ZFHX2: variants seen among roughly 807,000 people sequenced by gnomAD.
The protein encoded by ZFHX2 is zinc finger homeobox protein 2.
ZFHX2 carries 75 observed loss-of-function variants against 164.8 expected under a neutral mutation model. The observed-to-expected ratio is 0.46, with a 90% CI of 0.38 to 0.55. The LOEUF (loss-of-function observed/expected upper bound fraction) is 0.55. ZFHX2 is among the 20% of genes least tolerant of loss of function. The pLI, the probability that ZFHX2 is intolerant of heterozygous loss-of-function variation, is 0.00. For missense variants in ZFHX2, 2,933 were observed against 3,308.0 expected (o/e 0.89, Z 2.78); for synonymous variants, 1,217 against 1,351.4 (o/e 0.90, Z 2.18).
chr14:23,523,531 ACTGCTGCCCCCAGTGCTCCCAG>A lies in ZFHX2; in HGVS notation c.6389_6410del (p.Ala2130ValfsTer5), dbSNP rs1478854351. The A allele has an allele frequency of 2.0e-6, 3 of 1,536,472 alleles. No individual in the cohort carries two copies. The highest frequency in any genetic ancestry group is 2.6e-6 in the Non-Finnish European group (3 of 1,146,938). On this transcript the variant is annotated frameshift_variant, in exon 9 of 10. Transcript: ENST00000419474. LOFTEE classifies it high-confidence loss of function. The surrounding 1 kb of genome is among the most constrained non-coding windows in gnomAD (Gnocchi z 4.1). ...TGCGCTGGGCTGCTAAGAGGCCCTCACTGCTGCCCCCAGTGCTCCCAGCGGCTGTCCCCTGTAGTTTGGCCTT... is the reference window on the plus strand; with the variant it reads ...TGCGCTGGGCTGCTAAGAGGCCCTCACGGCTGTCCCCTGTAGTTTGGCCTT...
At position 23,526,034 on chromosome 14, in the gene ZFHX2, T is replaced by G; in HGVS notation, c.3908A>C (p.Glu1303Ala). The change falls in exon 9 of 10, where the codon GAG (glutamate) becomes GCG (alanine). Residue 1303 changes from glutamate to alanine, a missense_variant. By Grantham distance (107) the Glu-to-Ala change is moderately radical (BLOSUM62 -1). Transcript: ENST00000419474. The stretch of plus-strand genomic sequence containing the variant: ...AGGGCCCTTCTTCTCAGTGCCCACC[T>G]CCCCCTCTGTCTCGCCTTCCTTGGG... ...EEPKEGETEG[E>A]VGTEKKGPDT... 1 of 1,536,104 alleles carries G rather than the reference T, an allele frequency of 6.5e-7. No individual in the cohort carries two copies. Among genetic ancestry groups the G allele is most frequent in the Non-Finnish European group, 8.7e-7 (1 of 1,146,750 alleles).
chr14:23,534,122 G>A lies in ZFHX2; in HGVS notation c.1204C>T (p.Leu402Phe). ...SSPTSKEGGT[L>F]PAPVGSPEDP... Reference sequence around the variant, plus strand: ...TCGGGGGAGCCCACTGGGGCAGGGAGAGTGCCCCCCTCCTTGGAGGTGGGT... The same window carrying A: ...TCGGGGGAGCCCACTGGGGCAGGGAAAGTGCCCCCCTCCTTGGAGGTGGGT... Residue 402 changes from leucine to phenylalanine, a missense_variant, in exon 2 of 10, where the codon CTC becomes TTC. Leu to Phe is a conservative substitution (Grantham distance 22). Coordinates refer to ENST00000419474, the MANE Select transcript of ZFHX2 (RefSeq NM_033400.3). The surrounding 1 kb of genome is among the most constrained non-coding windows in gnomAD (Gnocchi z 4.5). The A allele has an allele frequency of 6.7e-7, 1 of 1,484,516 alleles. No homozygotes were observed. Among genetic ancestry groups the A allele is most frequent in the South Asian group, 1.3e-5 (1 of 74,670 alleles). 92.0% of individuals were successfully genotyped at this position (1,484,516 alleles called of 1,614,324 possible). A position where few individuals can be genotyped will look rare whatever the true frequency, so the allele number is the denominator to read the frequency against.
In ZFHX2 at chr14:23,531,587, C is replaced by G. The variant is rs778927895; in HGVS notation, c.2694G>C (p.Gln898His). The change falls in exon 4 of 10, where the codon CAG (glutamine) becomes CAC (histidine). Residue 898 changes from glutamine (Q) to histidine (H), a missense_variant. Physicochemically the swap from Gln to His is conservative, Grantham distance 24 (BLOSUM62 0). Coordinates refer to ENST00000419474, the MANE Select transcript of ZFHX2 (RefSeq NM_033400.3). The part of the protein sequence containing the change: ...HLRTPAHRDA[Q>H]AQRRLQLLQN... ...GTAGCAGCTGCAGACGCCTCTGGGCCTGGGCATCGCGGTGGGCAGGTGTGC... is the reference window on the plus strand; with the variant it reads ...GTAGCAGCTGCAGACGCCTCTGGGCGTGGGCATCGCGGTGGGCAGGTGTGC... The G allele has an allele frequency of 6.5e-7, 1 of 1,526,750 alleles. No individual in the cohort carries two copies. Among genetic ancestry groups the G allele is most frequent in the Admixed American group, 2.0e-5 (1 of 50,050 alleles). 94.6% of individuals were successfully genotyped at this position (1,526,750 alleles called of 1,614,324 possible). A position where few individuals can be genotyped will look rare whatever the true frequency, so the allele number is the denominator to read the frequency against.
intron 1 of ZFHX2, among the ~76,000 whole-genome samples, chr14:23,549,726 G>A (rs1028111621): frequency 1.3e-5 from 2 of 152,184 alleles, no homozygotes; most frequent in African/African-American, 4.8e-5. Context: ...ACAGTTAACT[G>A]ACATAATGGC....
In ZFHX2 at chr14:23,533,433, G is replaced by A. The variant is rs1468891266; in HGVS notation, c.1893C>T (p.Leu631=). 2.0e-6 allele frequency: 3 copies of A among 1,526,318 alleles called. No homozygotes were observed. Among genetic ancestry groups the A allele is most frequent in the South Asian group, 2.4e-5 (2 of 83,254 alleles). The allele number at this position is 1,526,318 out of a possible 1,614,324, so 94.5% of individuals were successfully genotyped here. A position where few individuals can be genotyped will look rare whatever the true frequency, so the allele number is the denominator to read the frequency against. The change falls in exon 2 of 10, where the codon CTC becomes CTT. Residue 631 remains leucine, a synonymous_variant. Coordinates refer to ENST00000419474, the MANE Select transcript of ZFHX2 (RefSeq NM_033400.3). This position sits in a 1 kb window ranked among gnomAD's most constrained non-coding sequence, Gnocchi z 4.8. ...PGATPTSPPE[L]FQYFGPQALG... ...GGGCCTGGGGCCCAAAGTACTGGAA[G>A]AGTTCAGGGGGGCTAGTGGGGGTAG...
upstream of ZFHX2, among the ~76,000 whole-genome samples, chr14:23,553,931 G>C (rs1430451884): frequency 6.6e-6 from 1 of 151,490 alleles, no homozygotes; most frequent in East Asian, 2.0e-4. Flanking sequence ...GGGTGGGGTG[G>C]CACGTGCCTG....
rs906390730 is a variant in ZFHX2 at position 23,546,779 on chromosome 14, G to A, written c.-50+4564C>T. Among the ~76,000 whole-genome samples, 3 of 152,180 alleles carry A rather than the reference G, an allele frequency of 2.0e-5. No homozygotes were observed. Among genetic ancestry groups the A allele is most frequent in the Non-Finnish European group, 2.9e-5 (2 of 68,036 alleles). On this transcript the variant is annotated intron_variant, in intron 1 of 9. Coordinates refer to ENST00000419474, the MANE Select transcript of ZFHX2 (RefSeq NM_033400.3). This position sits in a 1 kb window ranked among gnomAD's most constrained non-coding sequence, Gnocchi z 4.7. ...TAACGGTGAGGTAAAGGACCACTGTGTCGACAGCCTGTCGCTTGCTGCAAA... is the reference window on the plus strand; with the variant it reads ...TAACGGTGAGGTAAAGGACCACTGTATCGACAGCCTGTCGCTTGCTGCAAA...
In ZFHX2 at chr14:23,523,442, G is replaced by GA; in HGVS notation, c.6499dup (p.Ser2167PhefsTer19). The GA allele has an allele frequency of 6.5e-7, 1 of 1,535,504 alleles. No homozygotes were observed. Among genetic ancestry groups the GA allele is most frequent in the Non-Finnish European group, 8.7e-7 (1 of 1,146,554 alleles). On this transcript the variant is annotated frameshift_variant, in exon 9 of 10. Transcript: ENST00000419474. LOFTEE classifies it high-confidence loss of function. This position sits in a 1 kb window ranked among gnomAD's most constrained non-coding sequence, Gnocchi z 4.1. Reference sequence around the variant, plus strand: ...CTTGAGCTTGGCCAGGTGCTGACGGGAAAAGAGATGGCCTCGGCAGGAGAC... The same window carrying GA: ...CTTGAGCTTGGCCAGGTGCTGACGGGAAAAAGAGATGGCCTCGGCAGGAGAC...
rs1253428809 is a variant in ZFHX2, at chr14:23,521,372, T to C, written c.*590A>G. On this transcript the variant is annotated 3_prime_UTR_variant, in exon 10 of 10. Coordinates refer to ENST00000419474, the MANE Select transcript of ZFHX2 (RefSeq NM_033400.3). ...CCAGGCTCCAACTTTGGGAGCCAAC[T>C]GAGCATTTGGAAAGAGTTTGTGAGC... 6.6e-6 allele frequency: 1 copy of C among 152,348 alleles called. No homozygotes were observed. Among genetic ancestry groups the C allele is most frequent in the Non-Finnish European group, 1.5e-5 (1 of 68,148 alleles). The allele number at this position is 152,348 out of a possible 1,614,324, so 9.4% of individuals were successfully genotyped here.
At position 23,526,507 on chromosome 14, in the gene ZFHX2, G is replaced by C. The variant is rs961112736; in HGVS notation, c.3435C>G (p.Thr1145=). The C allele has an allele frequency of 5.9e-5, 91 of 1,535,906 alleles. No individual in the cohort carries two copies. The Admixed American group carries it at 1.7e-3, about 29-fold the overall frequency. ...TGGTCCCCTCTTCCTCCTCAGCCATGGTGGGCGGAGGAGCTACGTCTTCAG... is the reference window on the plus strand; with the variant it reads ...TGGTCCCCTCTTCCTCCTCAGCCATCGTGGGCGGAGGAGCTACGTCTTCAG... The part of the protein sequence containing the change: ...AQAEDVAPPP[T]MAEEEEGTTG... The change falls in exon 9 of 10, where the codon ACC becomes ACG. Residue 1145 remains threonine (T), a synonymous_variant. Coordinates refer to ENST00000419474, the MANE Select transcript of ZFHX2 (RefSeq NM_033400.3).
In ZFHX2 at chr14:23,523,562, C is replaced by T. The variant is rs946522641; in HGVS notation, c.6380G>A (p.Gly2127Glu). The T allele has an allele frequency of 6.5e-7, 1 of 1,538,924 alleles. No individual in the cohort carries two copies. Among genetic ancestry groups the T allele is most frequent in the Admixed American group, 2.0e-5 (1 of 51,138 alleles). The change falls in exon 9 of 10, where the codon GGG (glycine) becomes GAG (glutamate). Residue 2127 changes from glycine to glutamate, a missense_variant. Physicochemically the swap from Gly to Glu is moderately conservative, Grantham distance 98. Coordinates refer to ENST00000419474, the MANE Select transcript of ZFHX2 (RefSeq NM_033400.3). The surrounding 1 kb of genome is among the most constrained non-coding windows in gnomAD (Gnocchi z 4.1). ...RAKEKKAKLQ[G>E]TAAGSTGGSS... ...GCCCCCAGTGCTCCCAGCGGCTGTC[C>T]CCTGTAGTTTGGCCTTCTTTTCCTT...
chr14:23,553,783 A>G (rs1882144422), upstream of ZFHX2, among the ~76,000 whole-genome samples: 1 of 152,106 alleles, frequency 6.6e-6, no homozygotes, highest in African/African-American at 2.4e-5. Flanking sequence ...AGTCCCATCT[A>G]CTTGGGAGGC....
Position 23,534,501 on chromosome 14 carries a change from T to C in ZFHX2, c.825A>G (p.Pro275=). The C allele has an allele frequency of 6.5e-7, 1 of 1,536,228 alleles. No homozygotes were observed. The highest frequency in any genetic ancestry group is 8.7e-7 in the Non-Finnish European group (1 of 1,146,942). ...PAQYQGLSGS[P]AVLQEGDEGC... is the part of the protein sequence containing the mutation. ...CTTCATCTCCCTCCTGGAGTACAGC[T>C]GGGCTACCTGACAGGCCCTGATATT... Residue 275 remains proline (P), a synonymous_variant, in exon 2 of 10, where the codon CCA becomes CCG. Transcript: ENST00000419474. The surrounding 1 kb of genome is among the most constrained non-coding windows in gnomAD (Gnocchi z 4.5).
At chr14:23,532,363 A>C in intron 3 of ZFHX2, 1 of 584,896 alleles carries the variant, frequency 1.7e-6, no homozygotes, top group Non-Finnish European at 2.6e-6. Context: ...AGTCTGTTTC[A>C]CTTGTCAGAG....
chr14:23,552,285 T>C (rs367640296), upstream of ZFHX2, among the ~76,000 whole-genome samples: 225 of 150,398 alleles, frequency 1.5e-3, 4 homozygotes, highest in African/African-American at 4.5e-3. Context: ...TAAGTGCTCC[T>C]GAATTTTTTT....
At position 23,529,783 on chromosome 14, in the gene ZFHX2, AGAG is replaced by A. The variant is rs1351318785; in HGVS notation, c.2876-18_2876-16del. The A allele has an allele frequency of 8.5e-6, 13 of 1,536,292 alleles. No homozygotes were observed. In the East Asian group the frequency reaches 2.2e-4, roughly 26 times the overall value. ...CTCTTCTGAAGCTGAGGATGAAAGAAGAGGAGATTAAGGAACCCTGACAGCCCT... is the reference window on the plus strand; with the variant it reads ...CTCTTCTGAAGCTGAGGATGAAAGAAGAGATTAAGGAACCCTGACAGCCCT... On this transcript the variant is annotated splice_polypyrimidine_tract_variant and intron_variant, in intron 5 of 9. Transcript: ENST00000419474.
At position 23,531,698 on chromosome 14, in the gene ZFHX2, C is replaced by T. The variant is rs537408590; in HGVS notation, c.2583G>A (p.Ala861=). Residue 861 remains alanine (A), a synonymous_variant, in exon 4 of 10, where the codon GCG becomes GCA. Coordinates refer to ENST00000419474, the MANE Select transcript of ZFHX2 (RefSeq NM_033400.3). ...IYKFLLDMEG[A]EAGAELGLYH... is the part of the protein sequence containing the mutation. ...ATAGCCCCAGCTCTGCCCCTGCCTC[C>T]GCTCCCTCCATGTCCAGCAGAAACT... 3.6e-5 allele frequency: 50 copies of T among 1,376,374 alleles called. No homozygotes were observed. The highest frequency in any genetic ancestry group is 1.5e-4 in the African/African-American group (10 of 68,452). The allele number at this position is 1,376,374 out of a possible 1,614,324, so 85.3% of individuals were successfully genotyped here. A position where few individuals can be genotyped will look rare whatever the true frequency, so the allele number is the denominator to read the frequency against.
At chr14:23,547,933 C>T (rs1351892275) in intron 1 of ZFHX2, among the ~76,000 whole-genome samples, 1 of 152,202 alleles carries the variant, frequency 6.6e-6, no homozygotes, top group African/African-American at 2.4e-5. Flanking sequence ...ACAGCTAAGT[C>T]TCTCAGACTA....
chr14:23,525,120 G>C lies in ZFHX2; in HGVS notation c.4822C>G (p.Gln1608Glu). The change falls in exon 9 of 10, where the codon CAA becomes GAA. Residue 1608 changes from glutamine (Q) to glutamate (E), a missense_variant. Gln to Glu is a conservative substitution (Grantham distance 29). Transcript: ENST00000419474. The surrounding 1 kb of genome is among the most constrained non-coding windows in gnomAD (Gnocchi z 5.9). ...GTCTCAAAGAAAGACTGCAGGGCTT[G>C]GGTCTGGAACTCTGTGAACTTGGTT... ...SRTKFTEFQT[Q>E]ALQSFFETSA... is the part of the protein sequence containing the mutation. 6.5e-7 allele frequency: 1 copy of C among 1,536,178 alleles called. No homozygotes were observed. The highest frequency in any genetic ancestry group is 8.7e-7 in the Non-Finnish European group (1 of 1,146,932).
Sources: gnomAD v4.1 joint callset for allele counts (sites outside exome capture counted in the v4.1 genomes callset) on GRCh38, gnomAD v4.1.1 for gene constraint, Gnocchi (gnomAD v3.1) non-coding constraint, MANE v1.5 for transcripts, NCBI Gene and HGNC (gene_info 2026-07-23, HGNC 2026-07-21) for gene names.